ADARB2: variants seen among roughly 807,000 people sequenced by gnomAD.
The protein encoded by ADARB2 is inactive double-stranded RNA-specific editase B2.
In ADARB2, 25 loss-of-function variants were observed where a neutral mutation model predicts 62.2. The ratio of observed to expected loss-of-function variants is 0.40; its 90% CI spans 0.29 to 0.56. The LOEUF (loss-of-function observed/expected upper bound fraction) is 0.56, where lower values mean the gene tolerates loss of function less well. Among genes scored for constraint, ADARB2 ranks in the 20% least tolerant of loss-of-function variants. ADARB2 has a pLI of 0.43. For missense variants in ADARB2, 1,071 were observed against 1,077.4 expected, an observed-to-expected ratio of 0.99 and a Z score of 0.08; for synonymous variants, 572 against 500.8, an observed-to-expected ratio of 1.14 and a Z score of -1.90.
At chr10:1,708,086 G>A (rs1225374980) in intron 1 of ADARB2, among the ~76,000 whole-genome samples, 2 of 152,240 alleles carry the variant, frequency 1.3e-5, no homozygotes, top group Non-Finnish European at 2.9e-5. Context: ...ATGCTGGAAG[G>A]CAGAGGCAAG....
intron 3 of ADARB2, among the ~76,000 whole-genome samples, chr10:1,274,143 C>T (rs903322408): frequency 3.3e-5 from 5 of 152,224 alleles, no homozygotes; most frequent in Admixed American, 2.0e-4. Flanking sequence ...ACTGCTCTCC[C>T]GCCGGTCCGC....
At chr10:1,245,958 G>T (rs1464383286) in intron 4 of ADARB2, among the ~76,000 whole-genome samples, 31 of 151,626 alleles carry the variant, frequency 2.0e-4, no homozygotes, top group South Asian at 8.5e-4. Context: ...ACACCAACAG[G>T]GTAAAAGTGT....
At chr10:1,492,003 G>T (rs61831889) in intron 1 of ADARB2, among the ~76,000 whole-genome samples, 25,033 of 152,242 alleles carry the variant, frequency 0.16, 2,355 homozygotes, top group Middle Eastern at 0.23. Flanking sequence ...TTTAATAGTT[G>T]TTGATAAGAT....
chr10:1,468,374 C>G (rs530010704), intron 1 of ADARB2, among the ~76,000 whole-genome samples: 89 of 152,248 alleles, frequency 5.8e-4, no homozygotes, highest in African/African-American at 1.9e-3. Context: ...ATGGCCTTCT[C>G]TCTTTGGGAA....
chr10:1,561,784 C>T (rs1339780428), intron 1 of ADARB2, among the ~76,000 whole-genome samples: 3 of 152,188 alleles, frequency 2.0e-5, no homozygotes, highest in Non-Finnish European at 4.4e-5. Context: ...CTCCTTGGCA[C>T]TCAGGATCCT....
chr10:1,189,756 G>C (rs1352734369), intron 8 of ADARB2, among the ~76,000 whole-genome samples: 2 of 149,914 alleles, frequency 1.3e-5, no homozygotes, highest in South Asian at 2.1e-4. Context: ...AACACGTGGC[G>C]CTACCTCCTT....
intron 1 of ADARB2, among the ~76,000 whole-genome samples, chr10:1,639,307 G>A (rs990190898): frequency 6.6e-6 from 1 of 152,212 alleles, no homozygotes; most frequent in East Asian, 1.9e-4. Flanking sequence ...AGGGCTTAGA[G>A]CCTGCTCTGT....
At chr10:1,432,449 G>T (rs551307062) in intron 1 of ADARB2, among the ~76,000 whole-genome samples, 3 of 151,586 alleles carry the variant, frequency 2.0e-5, no homozygotes, top group Non-Finnish European at 4.4e-5. Flanking sequence ...ACACAATAGA[G>T]TTTGTCTTCC....
chr10:1,402,711 C>T (rs1832675417), intron 1 of ADARB2, among the ~76,000 whole-genome samples: 1 of 152,082 alleles, frequency 6.6e-6, no homozygotes, highest in East Asian at 1.9e-4. Context: ...ACCCCTCCTG[C>T]CCCGCAGCTT....
At chr10:1,263,136 T>TG (rs1454516546) in intron 4 of ADARB2, among the ~76,000 whole-genome samples, 1 of 39,810 alleles carries the variant, frequency 2.5e-5, no homozygotes, top group Admixed American at 4.0e-4. Flanking sequence ...TGTTGTGGGG[T>TG]GGGGGGAGGG....
intron 6 of ADARB2, among the ~76,000 whole-genome samples, chr10:1,219,834 G>GTGATGATGGTGGTGA (rs1830667046): frequency 7.6e-6 from 1 of 131,918 alleles, no homozygotes; most frequent in Non-Finnish European, 1.7e-5. Flanking sequence ...AATGATGGTG[G>GTGATGATGGTGGTGA]TGATGATGAT....
At chr10:1,518,490 G>T (rs1272096798) in intron 1 of ADARB2, among the ~76,000 whole-genome samples, 1 of 152,236 alleles carries the variant, frequency 6.6e-6, no homozygotes, top group Non-Finnish European at 1.5e-5. Flanking sequence ...TCCCCAAGGG[G>T]TGTCAGATGG....
chr10:1,403,784 C>A (rs1165104027), intron 1 of ADARB2, among the ~76,000 whole-genome samples: 1 of 152,308 alleles, frequency 6.6e-6, no homozygotes, highest in South Asian at 2.1e-4. Context: ...ATTGGAGGCA[C>A]GTCCCTCCCA....
intron 1 of ADARB2, among the ~76,000 whole-genome samples, chr10:1,625,551 A>C (rs1833756162): frequency 6.6e-6 from 1 of 152,032 alleles, no homozygotes; most frequent in South Asian, 2.1e-4. Context: ...TTTGGAATCT[A>C]AGCTCCACAG....
At chr10:1,522,653 C>G (rs1832087211) in intron 1 of ADARB2, among the ~76,000 whole-genome samples, 1 of 152,216 alleles carries the variant, frequency 6.6e-6, no homozygotes, top group Non-Finnish European at 1.5e-5. Context: ...CACATGCCAA[C>G]CCTACACATG....
intron 1 of ADARB2, among the ~76,000 whole-genome samples, chr10:1,470,364 T>C (rs928574296): frequency 1.3e-5 from 2 of 152,260 alleles, no homozygotes; most frequent in African/African-American, 4.8e-5. Context: ...CAGCATATCC[T>C]TCGCTAAGAT....
At chr10:1,618,417 C>T (rs796787591) in intron 1 of ADARB2, among the ~76,000 whole-genome samples, 1 of 152,148 alleles carries the variant, frequency 6.6e-6, no homozygotes, top group South Asian at 2.1e-4. Flanking sequence ...TTCTACCAAC[C>T]CTGAAAATTC....
intron 1 of ADARB2, among the ~76,000 whole-genome samples, chr10:1,586,776 G>A (rs1454984232): frequency 1.3e-5 from 2 of 152,194 alleles, no homozygotes; most frequent in African/African-American, 4.8e-5. Context: ...AGAAAAAAAT[G>A]TGTTGCACAA....
intron 1 of ADARB2, among the ~76,000 whole-genome samples, chr10:1,518,952 TGC>T (rs1832040716): frequency 6.6e-6 from 1 of 151,978 alleles, no homozygotes; most frequent in African/African-American, 2.4e-5. Flanking sequence ...GTCATACGCA[TGC>T]ATTCCACGTA....
Sources: gnomAD v4.1 joint callset for allele counts (sites outside exome capture counted in the v4.1 genomes callset) on GRCh38, gnomAD v4.1.1 for gene constraint, MANE v1.5 for transcripts, NCBI Gene and HGNC (gene_info 2026-07-23, HGNC 2026-07-21) for gene names.